Variants in MFHAS1 observed in about 807,000 individuals in gnomAD.
The protein encoded by MFHAS1 is malignant fibrous histiocytoma-amplified sequence 1.
In MFHAS1, 50 loss-of-function variants were observed where a neutral mutation model predicts 70.4. That is an observed-to-expected ratio of 0.71 (90% CI 0.57 to 0.90). The LOEUF is 0.90. Ranked by LOEUF, MFHAS1 falls within the 40% of genes least tolerant of loss-of-function variation. The pLI, the probability that MFHAS1 is intolerant of heterozygous loss-of-function variation, is 0.00. For synonymous variants in MFHAS1, 952 were observed against 620.0 expected (o/e 1.54, Z -7.96); for missense variants, 1,795 against 1,347.6 (o/e 1.33, Z -5.20).
chr8:8,827,424 G>C (rs1367791077), intron 1 of MFHAS1, among the ~76,000 whole-genome samples: 1 of 152,182 alleles, frequency 6.6e-6, no homozygotes, highest in Non-Finnish European at 1.5e-5. Context: ...CACCAGCAAG[G>C]TGGGTATTAT....
chr8:8,851,425 G>C (rs1808243928), intron 1 of MFHAS1, among the ~76,000 whole-genome samples: 1 of 152,156 alleles, frequency 6.6e-6, no homozygotes, highest in Non-Finnish European at 1.5e-5. Context: ...GCATGGACAG[G>C]TTCAGGGAAA....
At chr8:8,796,891 G>A (rs891929486) in intron 2 of MFHAS1, among the ~76,000 whole-genome samples, 2 of 151,072 alleles carry the variant, frequency 1.3e-5, no homozygotes, top group African/African-American at 4.9e-5. Context: ...AGCTACTCGG[G>A]AGGCTGAGGC....
intron 1 of MFHAS1, among the ~76,000 whole-genome samples, chr8:8,827,802 T>G (rs570656521): frequency 6.6e-6 from 1 of 152,320 alleles, no homozygotes; most frequent in Non-Finnish European, 1.5e-5. Context: ...GGGAAAAAAG[T>G]CTTCTGTCTA....
chr8:8,824,874 TGGAGGAA>T (rs1395383166), intron 1 of MFHAS1, among the ~76,000 whole-genome samples: 1 of 152,210 alleles, frequency 6.6e-6, no homozygotes. Flanking sequence ...GATCGCACCC[TGGAGGAA>T]GGCTGCGCTG....
chr8:8,844,333 A>C (rs1342122177), intron 1 of MFHAS1, among the ~76,000 whole-genome samples: 2 of 152,212 alleles, frequency 1.3e-5, no homozygotes, highest in African/African-American at 4.8e-5. Context: ...AGGTAGTCTC[A>C]CCAGATGCAG....
At chr8:8,883,164 AAAAAG>A (rs576277585) in intron 1 of MFHAS1, among the ~76,000 whole-genome samples, 103 of 152,140 alleles carry the variant, frequency 6.8e-4, no homozygotes, top group African/African-American at 1.7e-3. Flanking sequence ...AAACAAAAAC[AAAAAG>A]AAAAGAAAAG....
At position 8,891,220 on chromosome 8, in the gene MFHAS1, C is replaced by T. The variant is rs146237763; in HGVS notation, c.1839G>A (p.Leu613=). The change falls in exon 1 of 3, where the codon CTG becomes CTA. Residue 613 remains leucine, a synonymous_variant. Coordinates refer to ENST00000276282, the MANE Select transcript of MFHAS1 (RefSeq NM_004225.3). This position sits in a 1 kb window ranked among gnomAD's most constrained non-coding sequence, Gnocchi z 5.4. ...LRRRKAHFQY[L]LNHRLQILSP... ...AGAGGATCTGCAGCCGGTGGTTGAGCAGGTATTGAAAATGGGCCTTGCGCC... is the reference window on the plus strand; with the variant it reads ...AGAGGATCTGCAGCCGGTGGTTGAGTAGGTATTGAAAATGGGCCTTGCGCC... The T allele has an allele frequency of 4.3e-6, 7 of 1,612,486 alleles. No homozygotes were observed. In the African/African-American group the frequency reaches 9.3e-5, roughly 22 times the overall value.
intron 2 of MFHAS1, among the ~76,000 whole-genome samples, chr8:8,789,206 C>T (rs1006141832): frequency 5.3e-5 from 8 of 152,038 alleles, no homozygotes; most frequent in Non-Finnish European, 7.4e-5. Flanking sequence ...ATTCATGTCA[C>T]GACACAGATG....
chr8:8,884,081 C>CACACACAA (rs752918237), intron 1 of MFHAS1, among the ~76,000 whole-genome samples: 2 of 123,632 alleles, frequency 1.6e-5, no homozygotes, highest in African/African-American at 7.0e-5. Context: ...CACACACACA[C>CACACACAA]AAAAAGAAAA....
In MFHAS1 at chr8:8,890,075, G is replaced by T; in HGVS notation, c.2984C>A (p.Pro995Gln). 1 of 1,601,682 alleles carries T rather than the reference G, an allele frequency of 6.2e-7. No individual in the cohort carries two copies. The highest frequency in any genetic ancestry group is 8.5e-7 in the Non-Finnish European group (1 of 1,171,554). The change falls in exon 1 of 3, where the codon CCA (proline) becomes CAA (glutamine). Residue 995 changes from proline to glutamine, a missense_variant. By Grantham distance (76) the Pro-to-Gln change is moderately conservative. Coordinates refer to ENST00000276282, the MANE Select transcript of MFHAS1 (RefSeq NM_004225.3). ...TCTCCACTTACCTGGAAAAGCATGT[G>T]GATTGGGCGATCCTCTCTTAAGGCA... ...SKCLKRGSPN[P>Q]HAFPGELLSQ...
intron 1 of MFHAS1, among the ~76,000 whole-genome samples, chr8:8,876,254 T>C (rs1420990889): frequency 1.3e-5 from 2 of 152,198 alleles, no homozygotes; most frequent in Non-Finnish European, 2.9e-5. Flanking sequence ...ATTATAATGC[T>C]TCAATTTGAA....
chr8:8,824,674 T>C (rs907303708), intron 1 of MFHAS1, among the ~76,000 whole-genome samples: 1 of 152,142 alleles, frequency 6.6e-6, no homozygotes, highest in Non-Finnish European at 1.5e-5. Context: ...GCTGAAGAGA[T>C]ATAGATCATC....
At chr8:8,832,467 C>T (rs2117326864) in intron 1 of MFHAS1, among the ~76,000 whole-genome samples, 1 of 144,792 alleles carries the variant, frequency 6.9e-6, no homozygotes, top group South Asian at 2.2e-4. Flanking sequence ...AGCCAGTAAC[C>T]ACAGAAATGG....
intron 2 of MFHAS1, among the ~76,000 whole-genome samples, chr8:8,797,045 A>G (rs1289528780): frequency 6.6e-6 from 1 of 152,168 alleles, no homozygotes; most frequent in Non-Finnish European, 1.5e-5. Flanking sequence ...ATACCTGCAA[A>G]TAAACTGAAA....
At chr8:8,890,024 G>T in intron 1 of MFHAS1, 37 bp downstream of exon 1, 1 of 1,482,074 alleles carries the variant, frequency 6.7e-7, no homozygotes, top group Non-Finnish European at 9.2e-7. Flanking sequence ...ATATCTTACA[G>T]CATACCACAG....
At chr8:8,818,591 G>C (rs766443860) in intron 1 of MFHAS1, among the ~76,000 whole-genome samples, 9 of 152,138 alleles carry the variant, frequency 5.9e-5, no homozygotes, top group Non-Finnish European at 1.3e-4. Flanking sequence ...GCCAAATATG[G>C]ACCTTATAGG....
chr8:8,810,185 G>C (rs907863945), intron 1 of MFHAS1, among the ~76,000 whole-genome samples: 1 of 152,178 alleles, frequency 6.6e-6, no homozygotes, highest in African/African-American at 2.4e-5. Flanking sequence ...TGGCCGACAT[G>C]GTAAAACCTC....
At chr8:8,795,772 TGGAATGCA>T (rs1805871949) in intron 2 of MFHAS1, among the ~76,000 whole-genome samples, 1 of 152,190 alleles carries the variant, frequency 6.6e-6, no homozygotes, top group African/African-American at 2.4e-5. Flanking sequence ...TCACACTGCC[TGGAATGCA>T]GCCGGACAGC....
At chr8:8,837,597 C>T (rs139304458) in intron 1 of MFHAS1, among the ~76,000 whole-genome samples, 3,142 of 151,702 alleles carry the variant, frequency 0.021, 106 homozygotes, top group African/African-American at 0.072. Flanking sequence ...GAGCCAAGAT[C>T]GCGCCACTGC....
Sources: gnomAD v4.1 joint callset for allele counts (sites outside exome capture counted in the v4.1 genomes callset) on GRCh38, gnomAD v4.1.1 for gene constraint, Gnocchi (gnomAD v3.1) non-coding constraint, MANE v1.5 for transcripts, NCBI Gene and HGNC (gene_info 2026-07-23, HGNC 2026-07-21) for gene names.